The following PRKD1 variants were observed in gnomAD, a reference collection of about 807,000 sequenced individuals.
The protein encoded by PRKD1 is protein kinase D1.
PRKD1 carries 63 observed loss-of-function variants against 95.9 expected under a neutral mutation model. That is an observed-to-expected ratio of 0.66 (90% confidence interval 0.54 to 0.81). The LOEUF (loss-of-function observed/expected upper bound fraction) is 0.81, where lower values mean the gene tolerates loss of function less well. Ranked by LOEUF, PRKD1 falls within the 30% of genes least tolerant of loss-of-function variation. PRKD1 has a pLI of 0.00. For synonymous variants in PRKD1, 425 were observed against 423.1 expected, an observed-to-expected ratio of 1.00 and a Z score of -0.05; for missense variants, 1,048 against 1,165.3, an observed-to-expected ratio of 0.90 and a Z score of 1.47.
chr14:29,581,354 A>G (rs1281155057), intron 16 of PRKD1, among the ~76,000 whole-genome samples: 1 of 152,182 alleles, frequency 6.6e-6, no homozygotes, highest in Non-Finnish European at 1.5e-5. Context: ...ATAGTCTAGG[A>G]TTGAGGGGTT....
chr14:29,634,630 A>G (rs1880248713), intron 7 of PRKD1, 89 bp from the exon 8 acceptor site: 1 of 1,525,588 alleles, frequency 6.6e-7, no homozygotes, highest in East Asian at 2.3e-5. Flanking sequence ...AGCTAATCCA[A>G]GTGAAACTTT....
intron 1 of PRKD1, among the ~76,000 whole-genome samples, chr14:29,898,728 T>C (rs982934931): frequency 1.4e-4 from 21 of 152,226 alleles, no homozygotes; most frequent in African/African-American, 5.1e-4. Flanking sequence ...TTTGACTAAA[T>C]TGACTTCAAT....
chr14:29,620,222 T>G (rs1435964161), intron 13 of PRKD1, among the ~76,000 whole-genome samples: 3 of 150,714 alleles, frequency 2.0e-5, no homozygotes, highest in Non-Finnish European at 4.4e-5. Context: ...ATAAAAACCC[T>G]AGAAGAAAAC....
At chr14:29,604,723 A>C (rs1257624647) in intron 13 of PRKD1, among the ~76,000 whole-genome samples, 1 of 152,200 alleles carries the variant, frequency 6.6e-6, no homozygotes, top group Non-Finnish European at 1.5e-5. Flanking sequence ...GCCTTATTAA[A>C]GGGAAACAGA....
chr14:29,845,684 G>T (rs930230378), intron 1 of PRKD1, among the ~76,000 whole-genome samples: 18 of 152,122 alleles, frequency 1.2e-4, no homozygotes, highest in Non-Finnish European at 2.6e-4. Flanking sequence ...AGCATTTGTA[G>T]TACAATCATA....
intron 1 of PRKD1, among the ~76,000 whole-genome samples, chr14:29,872,112 T>C (rs921824267): frequency 6.6e-6 from 1 of 152,148 alleles, no homozygotes; most frequent in African/African-American, 2.4e-5. Flanking sequence ...AGCTATATAA[T>C]CACCTCTGCT....
intron 2 of PRKD1, among the ~76,000 whole-genome samples, chr14:29,669,177 GA>G (rs906905509): frequency 2.3e-4 from 35 of 152,046 alleles, no homozygotes; most frequent in Non-Finnish European, 4.1e-4. Context: ...ATAAAGTATA[GA>G]AAAAAATTAA....
chr14:29,620,494 C>A (rs1222848783), intron 13 of PRKD1, among the ~76,000 whole-genome samples: 1 of 144,728 alleles, frequency 6.9e-6, no homozygotes, highest in African/African-American at 2.5e-5. Context: ...AAACAAACAA[C>A]CCCATCAAAA....
At chr14:29,860,679 A>C (rs1892678982) in intron 1 of PRKD1, among the ~76,000 whole-genome samples, 1 of 152,228 alleles carries the variant, frequency 6.6e-6, no homozygotes, top group Non-Finnish European at 1.5e-5. Context: ...CTTTTCACTT[A>C]ATAAACATAC....
chr14:29,700,582 T>C (rs967943349), intron 2 of PRKD1, among the ~76,000 whole-genome samples: 4 of 152,218 alleles, frequency 2.6e-5, no homozygotes, highest in African/African-American at 7.2e-5. Context: ...GAATGCTTTA[T>C]GTTTGTGTGA....
At chr14:29,710,032 A>G (rs1388942040) in intron 2 of PRKD1, among the ~76,000 whole-genome samples, 1 of 152,156 alleles carries the variant, frequency 6.6e-6, no homozygotes, top group Non-Finnish European at 1.5e-5. Flanking sequence ...TATATGTTTA[A>G]GAAGGAAAGT....
intron 1 of PRKD1, among the ~76,000 whole-genome samples, chr14:29,816,133 A>G (rs1890683878): frequency 6.6e-6 from 1 of 152,284 alleles, no homozygotes; most frequent in African/African-American, 2.4e-5. Flanking sequence ...CAGAAGAGTC[A>G]CTTGAACCAG....
chr14:29,612,134 G>C (rs1878512906), intron 13 of PRKD1, among the ~76,000 whole-genome samples: 1 of 152,138 alleles, frequency 6.6e-6, no homozygotes, highest in South Asian at 2.1e-4. Context: ...TACTGGACAA[G>C]GTTAGATGAC....
chr14:29,919,734 A>G (rs1895020171), intron 1 of PRKD1, among the ~76,000 whole-genome samples: 1 of 145,688 alleles, frequency 6.9e-6, no homozygotes, highest in Non-Finnish European at 1.5e-5. Context: ...AGGCCGAAGC[A>G]GGTGGGTCAT....
At chr14:29,610,941 T>C (rs1380182383) in intron 13 of PRKD1, among the ~76,000 whole-genome samples, 4 of 152,190 alleles carry the variant, frequency 2.6e-5, no homozygotes, top group Non-Finnish European at 1.5e-5. Context: ...TGTGACATTC[T>C]GGAAAAGACA....
intron 8 of PRKD1, 94 bp from the exon 9 acceptor site, chr14:29,633,040 A>C: frequency 8.5e-7 from 1 of 1,171,328 alleles, no homozygotes; most frequent in Non-Finnish European, 1.3e-6. Context: ...GGGACATGCG[A>C]TTTGAGGGTG....
chr14:29,878,129 C>G (rs540488396), intron 1 of PRKD1, among the ~76,000 whole-genome samples: 2 of 152,136 alleles, frequency 1.3e-5, no homozygotes, highest in East Asian at 3.9e-4. Flanking sequence ...AGATGAACAA[C>G]AGACACTGGA....
At chr14:29,669,000 T>C (rs1882685871) in intron 2 of PRKD1, among the ~76,000 whole-genome samples, 1 of 151,504 alleles carries the variant, frequency 6.6e-6, no homozygotes, top group Non-Finnish European at 1.5e-5. Flanking sequence ...TTACTCAACT[T>C]GTATTTTTTT....
chr14:29,795,301 A>G (rs568293522), intron 1 of PRKD1, among the ~76,000 whole-genome samples: 1 of 151,964 alleles, frequency 6.6e-6, no homozygotes, highest in African/African-American at 2.4e-5. Flanking sequence ...ATTTATATAC[A>G]CCTATTTAAT....
Sources: gnomAD v4.1 joint callset for allele counts (sites outside exome capture counted in the v4.1 genomes callset) on GRCh38, gnomAD v4.1.1 for gene constraint, MANE v1.5 for transcripts, NCBI Gene and HGNC (gene_info 2026-07-23, HGNC 2026-07-21) for gene names.